The following ZNHIT6 variants were observed in gnomAD, a reference collection of about 807,000 sequenced individuals.
ZNHIT6 encodes box C/D snoRNA protein 1.
Under a neutral mutation model 57.2 loss-of-function variants are expected in ZNHIT6, and 45 were observed. That is an observed-to-expected ratio of 0.79 (90% CI 0.62 to 1.01). The LOEUF (loss-of-function observed/expected upper bound fraction) is 1.01. Ranked by LOEUF, ZNHIT6 falls within the 50% of genes least tolerant of loss-of-function variation. The pLI, the probability that ZNHIT6 is intolerant of heterozygous loss-of-function variation, is 0.00. For missense variants in ZNHIT6, 528 were observed against 567.3 expected, an observed-to-expected ratio of 0.93 and a Z score of 0.70; for synonymous variants, 188 against 190.0, an observed-to-expected ratio of 0.99 and a Z score of 0.09.
chr1:85,695,146 C>A (rs1403312250), intron 5 of ZNHIT6, among the ~76,000 whole-genome samples: 2 of 152,058 alleles, frequency 1.3e-5, no homozygotes, highest in East Asian at 3.9e-4. Flanking sequence ...CACCTACAGT[C>A]CCAGCTACTG....
At chr1:85,697,036 A>AT (rs67423915) in intron 5 of ZNHIT6, among the ~76,000 whole-genome samples, 2,092 of 146,290 alleles carry the variant, frequency 0.014, 66 homozygotes, top group Admixed American at 0.062. Flanking sequence ...AATTTTTCGT[A>AT]TTTTTTTTTT....
At chr1:85,690,577 A>T (rs1662188337) in intron 5 of ZNHIT6, among the ~76,000 whole-genome samples, 1 of 152,166 alleles carries the variant, frequency 6.6e-6, no homozygotes, top group African/African-American at 2.4e-5. Context: ...TGAGTACTCC[A>T]TCACAACACT....
In ZNHIT6 at chr1:85,707,785, A is replaced by C. The variant is rs1212888940; in HGVS notation, c.500T>G (p.Phe167Cys). The C allele has an allele frequency of 3.7e-6, 6 of 1,613,614 alleles. No individual in the cohort carries two copies. Among genetic ancestry groups the C allele is most frequent in the Admixed American group, 3.3e-5 (2 of 59,968 alleles). The change falls in exon 1 of 10, where the codon TTT (phenylalanine) becomes TGT (cysteine). Residue 167 changes from phenylalanine (F) to cysteine (C), a missense_variant. Phe to Cys is a radical substitution (Grantham distance 205). Transcript: ENST00000370574. ...TTCCTCTTTTATGCATTGACCAACA[A>C]ACTTCTCCTCCTGTTTTATCTCCAA... ...DNLEIKQEEK[F>C]VGQCIKEELM...
At chr1:85,679,098 T>C (rs1661789513) in intron 6 of ZNHIT6, among the ~76,000 whole-genome samples, 1 of 152,134 alleles carries the variant, frequency 6.6e-6, no homozygotes, top group African/African-American at 2.4e-5. Context: ...CAGGATAAAA[T>C]ATATTTGAAA....
chr1:85,689,705 G>A (rs188820075), intron 5 of ZNHIT6, among the ~76,000 whole-genome samples: 47 of 152,278 alleles, frequency 3.1e-4, no homozygotes, highest in African/African-American at 1.1e-3. Flanking sequence ...TACTTAAGCA[G>A]TTCTCAACTG....
intron 4 of ZNHIT6, among the ~76,000 whole-genome samples, chr1:85,703,959 C>G (rs564549044): frequency 6.6e-6 from 1 of 152,150 alleles, no homozygotes; most frequent in East Asian, 1.9e-4. Context: ...AAAAGATGAG[C>G]AAAAGACTTG....
At position 85,656,475 on chromosome 1, in the gene ZNHIT6, G is replaced by A. The variant is rs116719585; in HGVS notation, c.1372+1372C>T. On this transcript the variant is annotated intron_variant, in intron 9 of 9. Coordinates refer to ENST00000370574, the MANE Select transcript of ZNHIT6 (RefSeq NM_017953.4). The stretch of plus-strand genomic sequence containing the variant: ...TTGAATGTACATTCCTAAACAAGGT[G>A]AAAGGAGAGCTGTGTGTGCTGTTTA... 7.3e-3 allele frequency among the ~76,000 whole-genome samples: 1,118 copies of A among 152,238 alleles called. 7 individuals carry two copies. The highest frequency in any genetic ancestry group is 0.014 in the Middle Eastern group (4 of 294).
chr1:85,664,978 T>A (rs539430641), intron 8 of ZNHIT6, among the ~76,000 whole-genome samples: 1 of 151,998 alleles, frequency 6.6e-6, no homozygotes, highest in East Asian at 1.9e-4. Flanking sequence ...ACTATAGGTG[T>A]ATGCTGCCAC....
rs1425558961 is a variant in ZNHIT6, at chr1:85,708,084, C to A, written c.201G>T (p.Arg67Ser). ...TTAGGTCCATCGGTATTTCCTCTGG[C>A]CTTTGTCCACTTCCTTCCTCTCCAT... ...IGDGEEGSGQ[R>S]PEEIPMDLTV... Residue 67 changes from arginine to serine, a missense_variant, in exon 1 of 10, where the codon AGG becomes AGT. Arg to Ser is a moderately radical substitution (Grantham distance 110). Transcript: ENST00000370574. The A allele has an allele frequency of 1.2e-6, 2 of 1,613,954 alleles. No individual in the cohort carries two copies. The highest frequency in any genetic ancestry group is 1.3e-5 in the African/African-American group (1 of 74,900).
intron 5 of ZNHIT6, among the ~76,000 whole-genome samples, chr1:85,698,576 G>A (rs988638113): frequency 6.6e-6 from 1 of 152,020 alleles, no homozygotes; most frequent in Non-Finnish European, 1.5e-5. Flanking sequence ...AATTTTAAGC[G>A]ACATCAACTT....
Position 85,708,102 on chromosome 1 carries a change from C to G in ZNHIT6, c.183G>C (p.Glu61Asp). ...LTGIKEIGDG[E>D]EGSGQRPEEI... ...CCTCTGGCCTTTGTCCACTTCCTTC[C>G]TCTCCATCCCCTATCTCCTTTATCC... Residue 61 changes from glutamate to aspartate, a missense_variant, in exon 1 of 10, where the codon GAG (glutamate) becomes GAC (aspartate). Transcript: ENST00000370574. 6.2e-7 allele frequency: 1 copy of G among 1,614,044 alleles called. No homozygotes were observed.
intron 6 of ZNHIT6, among the ~76,000 whole-genome samples, chr1:85,679,277 T>C (rs1288885242): frequency 6.6e-6 from 1 of 152,218 alleles, no homozygotes; most frequent in Non-Finnish European, 1.5e-5. Context: ...TTTAAACTTA[T>C]CTATAAAGCT....
chr1:85,674,150 C>A (rs919099940), intron 8 of ZNHIT6, among the ~76,000 whole-genome samples: 2 of 152,154 alleles, frequency 1.3e-5, no homozygotes, highest in Admixed American at 1.3e-4. Flanking sequence ...GGGACATAAC[C>A]TTTTCCCCCT....
chr1:85,678,001 A>T (rs948726814), intron 7 of ZNHIT6, among the ~76,000 whole-genome samples: 13 of 142,428 alleles, frequency 9.1e-5, no homozygotes, highest in Non-Finnish European at 4.7e-5. Context: ...GCTTTGTAAC[A>T]ACCCTATCTA....
In ZNHIT6 at chr1:85,653,873, G is replaced by T; in HGVS notation, c.*185C>A. 1 of 577,458 alleles carries T rather than the reference G, an allele frequency of 1.7e-6. No individual in the cohort carries two copies. The highest frequency in any genetic ancestry group is 3.0e-6 in the Non-Finnish European group (1 of 328,654). The allele number at this position is 577,458 out of a possible 1,614,324, so 35.8% of individuals were successfully genotyped here. On this transcript the variant is annotated 3_prime_UTR_variant, in exon 10 of 10. Transcript: ENST00000370574. ...GAGAGTTCTTAATATGAATAAATGG[G>T]TCTTACAAGTCAATTAATTCAAGAG... is the stretch of plus-strand genomic sequence containing the variant.
Position 85,650,842 on chromosome 1 carries a change from C to G in ZNHIT6, c.*3216G>C, listed in dbSNP as rs933319493. The G allele has an allele frequency of 1.3e-5, 2 of 152,168 alleles. No homozygotes were observed. Among genetic ancestry groups the G allele is most frequent in the African/African-American group, 4.8e-5 (2 of 41,448 alleles). 9.4% of individuals were successfully genotyped at this position (152,168 alleles called of 1,614,324 possible). On this transcript the variant is annotated 3_prime_UTR_variant, in exon 10 of 10. Coordinates refer to ENST00000370574, the MANE Select transcript of ZNHIT6 (RefSeq NM_017953.4). ...CAGCAAGAATGAGAACTCACTCACC[C>G]CAGTAGGAGGGCATTAGTTTATTCA...
intron 5 of ZNHIT6, among the ~76,000 whole-genome samples, chr1:85,696,032 T>A (rs1257694019): frequency 6.6e-6 from 1 of 152,180 alleles, no homozygotes; most frequent in Non-Finnish European, 1.5e-5. Context: ...CAAGATTCTG[T>A]CTCAAAACAA....
chr1:85,663,050 T>C (rs1661270099), intron 8 of ZNHIT6, among the ~76,000 whole-genome samples: 1 of 152,182 alleles, frequency 6.6e-6, no homozygotes, highest in East Asian at 1.9e-4. Flanking sequence ...GTCTTATCAC[T>C]GGTCCTTATG....
intron 5 of ZNHIT6, among the ~76,000 whole-genome samples, chr1:85,686,662 C>T (rs952442138): frequency 4.6e-5 from 7 of 152,122 alleles, no homozygotes; most frequent in Admixed American, 2.0e-4. Context: ...GAGTCCAACA[C>T]GGACTTCTTT....
Sources: allele counts gnomAD v4.1 joint callset (sites outside exome capture counted in the v4.1 genomes callset), GRCh38; gene constraint gnomAD v4.1.1; transcripts MANE v1.5; gene names NCBI Gene and HGNC (gene_info 2026-07-23, HGNC 2026-07-21).